Variants in FZD9 observed in about 807,000 individuals in gnomAD.
FZD9 encodes the protein frizzled class receptor 9, also known as frizzled-9.
In FZD9, 29 loss-of-function variants were observed where a neutral mutation model predicts 29.9. The ratio of observed to expected loss-of-function variants is 0.97; its 90% CI spans 0.72 to 1.32. The LOEUF (loss-of-function observed/expected upper bound fraction) is 1.32, where lower values mean the gene tolerates loss of function less well. FZD9 is among the 40% of genes most tolerant of loss of function. The pLI, the probability that FZD9 is intolerant of heterozygous loss-of-function variation, is 0.00. For missense variants in FZD9, 822 were observed against 857.8 expected, an observed-to-expected ratio of 0.96 and a Z score of 0.52; for synonymous variants, 384 against 393.9, an observed-to-expected ratio of 0.97 and a Z score of 0.30.
chr7:73,435,471 C>G lies in FZD9; in HGVS notation c.1464C>G (p.Ala488=). ...LRATEQPCAA[A]AGPGGRRDCS... is the part of the protein sequence containing the mutation. ...CCACAGAGCAGCCATGCGCAGCGGC[C>G]GCGGGGCCCGGAGGCCGGAGGGACT... The change falls in exon 1 of 1, where the codon GCC becomes GCG. Residue 488 remains alanine, a synonymous_variant. Transcript: ENST00000344575. 1.2e-6 allele frequency: 2 copies of G among 1,612,892 alleles called. No homozygotes were observed. Among genetic ancestry groups the G allele is most frequent in the African/African-American group, 1.3e-5 (1 of 75,062 alleles).
At position 73,433,873 on chromosome 7, in the gene FZD9, AGGGCGCCCGGACACACGT is replaced by A. The variant is rs1787340471; in HGVS notation, c.-129_-112del. On this transcript the variant is annotated 5_prime_UTR_variant, in exon 1 of 1. Transcript: ENST00000344575. ...TCGGGCGGCTGCCCGCTCGCTGCCC[AGGGCGCCCGGACACACGT>A]GGGCGGCTCAGCGATGGCCCGCGCC... is the stretch of plus-strand genomic sequence containing the variant. The A allele has an allele frequency of 1.5e-6, 1 of 660,346 alleles. No homozygotes were observed. 40.9% of individuals were successfully genotyped at this position (660,346 alleles called of 1,614,324 possible). A position where few individuals can be genotyped will look rare whatever the true frequency, so the allele number is the denominator to read the frequency against.
At position 73,435,649 on chromosome 7, in the gene FZD9, G is replaced by A; in HGVS notation, c.1642G>A (p.Gly548Ser). Residue 548 changes from glycine (G) to serine (S), a missense_variant, in exon 1 of 1, where the codon GGC becomes AGC. Transcript: ENST00000344575. ...QSLCYRKIAA[G>S]RARAKACRAP... ...CCTGTGCTACCGCAAGATAGCAGCT[G>A]GCCGGGCCCGGGCCAAGGCCTGCCG... The A allele has an allele frequency of 6.2e-7, 1 of 1,613,138 alleles. No individual in the cohort carries two copies. Among genetic ancestry groups the A allele is most frequent in the Non-Finnish European group, 8.5e-7 (1 of 1,179,868 alleles).
At position 73,435,223 on chromosome 7, in the gene FZD9, C is replaced by A; in HGVS notation, c.1216C>A (p.Leu406Ile). ...GCTCACGGGCTTCGTGCTGGTGCCC[C>A]TCTCTGGCTACCTGGTGCTGGGCAG... ...AALTGFVLVP[L>I]SGYLVLGSSF... Residue 406 changes from leucine to isoleucine, a missense_variant, in exon 1 of 1, where the codon CTC becomes ATC. Transcript: ENST00000344575. 1 of 1,613,584 alleles carries A rather than the reference C, an allele frequency of 6.2e-7. No individual in the cohort carries two copies. The highest frequency in any genetic ancestry group is 8.5e-7 in the Non-Finnish European group (1 of 1,180,034).
rs1356972019 is a variant in FZD9, at chr7:73,434,557, G to A, written c.550G>A (p.Gly184Arg). 1.7e-5 allele frequency: 25 copies of A among 1,456,242 alleles called. No homozygotes were observed. In the Admixed American group the frequency reaches 5.2e-4, roughly 30 times the overall value. The allele number at this position is 1,456,242 out of a possible 1,614,324, so 90.2% of individuals were successfully genotyped here. A position where few individuals can be genotyped will look rare whatever the true frequency, so the allele number is the denominator to read the frequency against. Residue 184 changes from glycine to arginine, a missense_variant, in exon 1 of 1, where the codon GGA (glycine) becomes AGA (arginine). By Grantham distance (125) the Gly-to-Arg change is moderately radical. Transcript: ENST00000344575. ...GGCGCCGCGGCCCGCGCGCCCTCCC[G>A]GAGACCTGGGCCCGGGCGCGGGCGG... ...PVAPRPARPP[G>R]DLGPGAGGSG...
Position 73,434,430 on chromosome 7 carries a change from G to T in FZD9, c.423G>T (p.Arg141=). ...GGCCGGACTCGCTCGACTGCGCCCG[G>T]CTGCCCACGCGCAACGACCCGCACG... ...FGWPDSLDCA[R]LPTRNDPHAL... The change falls in exon 1 of 1, where the codon CGG becomes CGT. Residue 141 remains arginine, a synonymous_variant. Coordinates refer to ENST00000344575, the MANE Select transcript of FZD9 (RefSeq NM_003508.3). 6.4e-7 allele frequency: 1 copy of T among 1,556,230 alleles called. No individual in the cohort carries two copies. The highest frequency in any genetic ancestry group is 8.6e-7 in the Non-Finnish European group (1 of 1,160,280).
In FZD9 at chr7:73,434,604, C is replaced by G. The variant is rs782760906; in HGVS notation, c.597C>G (p.Pro199=). The G allele has an allele frequency of 1.9e-6, 3 of 1,559,560 alleles. No individual in the cohort carries two copies. The highest frequency in any genetic ancestry group is 1.1e-5 in the South Asian group (1 of 87,272). Residue 199 remains proline (P), a synonymous_variant, in exon 1 of 1, where the codon CCC becomes CCG. Coordinates refer to ENST00000344575, the MANE Select transcript of FZD9 (RefSeq NM_003508.3). Reference sequence around the variant, plus strand: ...GCGGCAGTGGCACCTGCGAGAACCCCGAGAAGTTCCAGTACGTGGAGAAGA... The same window carrying G: ...GCGGCAGTGGCACCTGCGAGAACCCGGAGAAGTTCCAGTACGTGGAGAAGA... ...GAGGSGTCEN[P]EKFQYVEKSR...
In FZD9 at chr7:73,435,058, A is replaced by T; in HGVS notation, c.1051A>T (p.Ile351Phe). Residue 351 changes from isoleucine (I) to phenylalanine (F), a missense_variant, in exon 1 of 1, where the codon ATC becomes TTC. Coordinates refer to ENST00000344575, the MANE Select transcript of FZD9 (RefSeq NM_003508.3). ...AAGKKWGHEAIEAHGSYFHMA... is the reference protein window; with the variant it reads ...AAGKKWGHEAFEAHGSYFHMA... ...CGGGAAGAAATGGGGCCACGAGGCCATCGAGGCCCACGGCAGCTATTTCCA... is the reference window on the plus strand; with the variant it reads ...CGGGAAGAAATGGGGCCACGAGGCCTTCGAGGCCCACGGCAGCTATTTCCA... 6.2e-7 allele frequency: 1 copy of T among 1,613,436 alleles called. No homozygotes were observed. The highest frequency in any genetic ancestry group is 8.5e-7 in the Non-Finnish European group (1 of 1,179,870).
Position 73,435,107 on chromosome 7 carries a change from C to A in FZD9, c.1100C>A (p.Ala367Glu). 6.2e-7 allele frequency: 1 copy of A among 1,611,174 alleles called. No homozygotes were observed. The highest frequency in any genetic ancestry group is 8.5e-7 in the Non-Finnish European group (1 of 1,178,692). Residue 367 changes from alanine to glutamate, a missense_variant, in exon 1 of 1, where the codon GCG becomes GAG. Physicochemically the swap from Ala to Glu is moderately radical, Grantham distance 107 (BLOSUM62 -1). Transcript: ENST00000344575. ...CACATGGCTGCCTGGGGCCTGCCCG[C>A]GCTCAAGACCATCGTCATCCTGACC... The part of the protein sequence containing the change: ...YFHMAAWGLP[A>E]LKTIVILTLR...
chr7:73,434,703 G>A lies in FZD9; in HGVS notation c.696G>A (p.Leu232=). 1 of 1,606,662 alleles carries A rather than the reference G, an allele frequency of 6.2e-7. No homozygotes were observed. Among genetic ancestry groups the A allele is most frequent in the Non-Finnish European group, 8.5e-7 (1 of 1,179,672 alleles). ...FWSRRDKDFA[L]VWMAVWSALC... ...CCCGGCGCGACAAGGACTTCGCGCTGGTCTGGATGGCCGTGTGGTCGGCGC... is the reference window on the plus strand; with the variant it reads ...CCCGGCGCGACAAGGACTTCGCGCTAGTCTGGATGGCCGTGTGGTCGGCGC... Residue 232 remains leucine (L), a synonymous_variant, in exon 1 of 1, where the codon CTG becomes CTA. Coordinates refer to ENST00000344575, the MANE Select transcript of FZD9 (RefSeq NM_003508.3).
rs1787389250 is a variant in FZD9 at position 73,435,172 on chromosome 7, T to C, written c.1165T>C (p.Tyr389His). The C allele has an allele frequency of 1.2e-6, 2 of 1,612,992 alleles. No individual in the cohort carries two copies. The highest frequency in any genetic ancestry group is 1.7e-6 in the Non-Finnish European group (2 of 1,180,002). ...VAGDELTGLCYVASTDAAALT... is the reference protein window; with the variant it reads ...VAGDELTGLCHVASTDAAALT... ...GGGTGATGAGCTGACTGGGCTTTGCTACGTGGCCAGCACGGATGCAGCAGC... is the reference window on the plus strand; with the variant it reads ...GGGTGATGAGCTGACTGGGCTTTGCCACGTGGCCAGCACGGATGCAGCAGC... Residue 389 changes from tyrosine (Y) to histidine (H), a missense_variant, in exon 1 of 1, where the codon TAC becomes CAC. Tyr to His is a moderately conservative substitution (Grantham distance 83). Transcript: ENST00000344575.
At position 73,435,341 on chromosome 7, in the gene FZD9, T is replaced by C; in HGVS notation, c.1334T>C (p.Met445Thr). 1 of 1,613,824 alleles carries C rather than the reference T, an allele frequency of 6.2e-7. No individual in the cohort carries two copies. Among genetic ancestry groups the C allele is most frequent in the Non-Finnish European group, 8.5e-7 (1 of 1,179,900 alleles). ...GTNTEKLEKL[M>T]VKIGVFSILY... is the part of the protein sequence containing the mutation. The stretch of plus-strand genomic sequence containing the variant: ...AACACAGAGAAGCTGGAGAAGCTCA[T>C]GGTCAAGATCGGGGTCTTCTCCATC... The change falls in exon 1 of 1, where the codon ATG (methionine) becomes ACG (threonine). Residue 445 changes from methionine (M) to threonine (T), a missense_variant. Physicochemically the swap from Met to Thr is moderately conservative, Grantham distance 81. Coordinates refer to ENST00000344575, the MANE Select transcript of FZD9 (RefSeq NM_003508.3).
At position 73,434,481 on chromosome 7, in the gene FZD9, C is replaced by A; in HGVS notation, c.474C>A (p.Asn158Lys). 6.7e-7 allele frequency: 1 copy of A among 1,487,322 alleles called. No homozygotes were observed. Among genetic ancestry groups the A allele is most frequent in the Non-Finnish European group, 8.9e-7 (1 of 1,125,658 alleles). 92.1% of individuals were successfully genotyped at this position (1,487,322 alleles called of 1,614,324 possible). The change falls in exon 1 of 1, where the codon AAC (asparagine) becomes AAA (lysine). Residue 158 changes from asparagine (N) to lysine (K), a missense_variant. Coordinates refer to ENST00000344575, the MANE Select transcript of FZD9 (RefSeq NM_003508.3). ...PHALCMEAPE[N>K]ATAGPAEPHK... is the part of the protein sequence containing the mutation. ...CGCTGTGCATGGAGGCGCCCGAGAA[C>A]GCCACGGCCGGCCCCGCGGAGCCCC...
chr7:73,435,605 C>G lies in FZD9; in HGVS notation c.1598C>G (p.Thr533Ser). ...GGCGTCTGGGTGTGGAGCTCCAAGACTTTCCAGACCTGGCAGAGCCTGTGC... is the reference window on the plus strand; with the variant it reads ...GGCGTCTGGGTGTGGAGCTCCAAGAGTTTCCAGACCTGGCAGAGCCTGTGC... ...TSGVWVWSSK[T>S]FQTWQSLCYR... Residue 533 changes from threonine to serine, a missense_variant, in exon 1 of 1, where the codon ACT (threonine) becomes AGT (serine). Thr to Ser is a moderately conservative substitution (Grantham distance 58, BLOSUM62 1). Transcript: ENST00000344575. 1 of 1,613,192 alleles carries G rather than the reference C, an allele frequency of 6.2e-7. No homozygotes were observed. The highest frequency in any genetic ancestry group is 8.5e-7 in the Non-Finnish European group (1 of 1,179,890).
chr7:73,435,327 G>A lies in FZD9; in HGVS notation c.1320G>A (p.Lys440=), dbSNP rs537364650. 6.2e-7 allele frequency: 1 copy of A among 1,613,810 alleles called. No homozygotes were observed. The highest frequency in any genetic ancestry group is 1.7e-5 in the Admixed American group (1 of 59,978). The change falls in exon 1 of 1, where the codon AAG becomes AAA. Residue 440 remains lysine, a synonymous_variant. Coordinates refer to ENST00000344575, the MANE Select transcript of FZD9 (RefSeq NM_003508.3). ...AGACGGGCGGCACCAACACAGAGAA[G>A]CTGGAGAAGCTCATGGTCAAGATCG... ...IMKTGGTNTE[K]LEKLMVKIGV...
At position 73,434,031 on chromosome 7, in the gene FZD9, G is replaced by A; in HGVS notation, c.24G>A (p.Gly8=). ...GGATGGCCGTGGCGCCTCTGCGGGG[G>A]GCGCTGCTGCTGTGGCAGCTGCTGG... The part of the protein sequence containing the change: MAVAPLR[G]ALLLWQLLAA... Residue 8 remains glycine (G), a synonymous_variant, in exon 1 of 1, where the codon GGG becomes GGA. Coordinates refer to ENST00000344575, the MANE Select transcript of FZD9 (RefSeq NM_003508.3). 8.1e-7 allele frequency: 1 copy of A among 1,238,612 alleles called. No individual in the cohort carries two copies. The highest frequency in any genetic ancestry group is 1.0e-6 in the Non-Finnish European group (1 of 993,256). 76.7% of individuals were successfully genotyped at this position (1,238,612 alleles called of 1,614,324 possible).
chr7:73,435,073 A>C lies in FZD9; in HGVS notation c.1066A>C (p.Ser356Arg). 3 of 1,612,908 alleles carry C rather than the reference A, an allele frequency of 1.9e-6. No individual in the cohort carries two copies. Among genetic ancestry groups the C allele is most frequent in the Non-Finnish European group, 2.5e-6 (3 of 1,179,596 alleles). ...CCACGAGGCCATCGAGGCCCACGGC[A>C]GCTATTTCCACATGGCTGCCTGGGG... ...WGHEAIEAHG[S>R]YFHMAAWGLP... The change falls in exon 1 of 1, where the codon AGC becomes CGC. Residue 356 changes from serine (S) to arginine (R), a missense_variant. Coordinates refer to ENST00000344575, the MANE Select transcript of FZD9 (RefSeq NM_003508.3).
chr7:73,435,972 C>CG lies in FZD9; in HGVS notation c.*194dup. On this transcript the variant is annotated 3_prime_UTR_variant, in exon 1 of 1. Transcript: ENST00000344575. ...GGGGAGATGGGGGTCTCCCCTAATG[C>CG]GGGGGCTGGACCAGGCTGAGTCCCC... 1 of 698,014 alleles carries CG rather than the reference C, an allele frequency of 1.4e-6. No homozygotes were observed. 43.2% of individuals were successfully genotyped at this position (698,014 alleles called of 1,614,324 possible).
chr7:73,434,585 G>A lies in FZD9; in HGVS notation c.578G>A (p.Ser193Asn). ...PGDLGPGAGG[S>N]GTCENPEKFQ... ...GACCTGGGCCCGGGCGCGGGCGGCA[G>A]TGGCACCTGCGAGAACCCCGAGAAG... Residue 193 changes from serine to asparagine, a missense_variant, in exon 1 of 1, where the codon AGT (serine) becomes AAT (asparagine). Physicochemically the swap from Ser to Asn is conservative, Grantham distance 46 (BLOSUM62 1). Coordinates refer to ENST00000344575, the MANE Select transcript of FZD9 (RefSeq NM_003508.3). 6.6e-7 allele frequency: 1 copy of A among 1,513,364 alleles called. No homozygotes were observed. Among genetic ancestry groups the A allele is most frequent in the South Asian group, 1.2e-5 (1 of 81,128 alleles). 93.7% of individuals were successfully genotyped at this position (1,513,364 alleles called of 1,614,324 possible).
In FZD9 at chr7:73,435,749, C is replaced by T. The variant is rs1787409903; in HGVS notation, c.1742C>T (p.Thr581Met). The T allele has an allele frequency of 3.7e-6, 6 of 1,602,202 alleles. No individual in the cohort carries two copies. The highest frequency in any genetic ancestry group is 2.2e-5 in the East Asian group (1 of 44,570). Residue 581 changes from threonine to methionine, a missense_variant, in exon 1 of 1, where the codon ACG (threonine) becomes ATG (methionine). Transcript: ENST00000344575. ...APTVVLHMTK[T>M]DPSLENPTHL ...ACCGTGGTCTTGCACATGACTAAGA[C>T]GGACCCCTCTTTGGAGAACCCCACA...
Sources: allele counts gnomAD v4.1 joint callset, GRCh38; gene constraint gnomAD v4.1.1; transcripts MANE v1.5; gene names NCBI Gene and HGNC (gene_info 2026-07-23, HGNC 2026-07-21).